Variants in VEPH1 observed in about 807,000 individuals in gnomAD.
VEPH1 encodes ventricular zone expressed PH domain containing 1.
A neutral mutation model predicts 85.2 loss-of-function variants in VEPH1; 80 were observed. The observed-to-expected ratio is 0.94, with a 90% CI of 0.78 to 1.13. The LOEUF (loss-of-function observed/expected upper bound fraction) is 1.13. VEPH1 is among the 50% of genes most tolerant of loss of function. The pLI, the probability that VEPH1 is intolerant of heterozygous loss-of-function variation, is 0.00. For synonymous variants in VEPH1, 297 were observed against 348.0 expected, an observed-to-expected ratio of 0.85 and a Z score of 1.63; for missense variants, 955 against 980.5, an observed-to-expected ratio of 0.97 and a Z score of 0.35.
chr3:157,280,145 A>ATGAT (rs1484349288), intron 12 of VEPH1, among the ~76,000 whole-genome samples: 2 of 152,264 alleles, frequency 1.3e-5, no homozygotes, highest in Non-Finnish European at 2.9e-5. Context: ...ACTCTGCAAT[A>ATGAT]TGATGGCTAG....
chr3:157,402,960 C>G (rs1024704090), intron 6 of VEPH1, among the ~76,000 whole-genome samples: 1 of 152,142 alleles, frequency 6.6e-6, no homozygotes, highest in Non-Finnish European at 1.5e-5. Context: ...GGCTTCAGCT[C>G]TGTTCATGTA....
intron 11 of VEPH1, among the ~76,000 whole-genome samples, chr3:157,302,721 C>T (rs1002534798): frequency 2.0e-5 from 3 of 152,168 alleles, no homozygotes; most frequent in African/African-American, 7.2e-5. Flanking sequence ...GACTGCTGCT[C>T]AAAACTCCTC....
At chr3:157,451,277 G>C (rs967447177) in intron 4 of VEPH1, among the ~76,000 whole-genome samples, 3 of 152,086 alleles carry the variant, frequency 2.0e-5, no homozygotes, top group Non-Finnish European at 2.9e-5. Context: ...ATTTGGTATA[G>C]AGATATTCAA....
intron 6 of VEPH1, among the ~76,000 whole-genome samples, chr3:157,401,107 C>T (rs529570796): frequency 6.6e-6 from 1 of 152,024 alleles, no homozygotes; most frequent in Non-Finnish European, 1.5e-5. Flanking sequence ...AAGAAACAGC[C>T]CATCTTTAAT....
At chr3:157,268,005 T>G (rs1250901974) in intron 12 of VEPH1, among the ~76,000 whole-genome samples, 1 of 152,314 alleles carries the variant, frequency 6.6e-6, no homozygotes, top group Admixed American at 6.5e-5. Flanking sequence ...CTACTGAGCA[T>G]AGCAGAGGCA....
At chr3:157,371,987 T>C (rs1180030931) in intron 7 of VEPH1, among the ~76,000 whole-genome samples, 1 of 152,138 alleles carries the variant, frequency 6.6e-6, no homozygotes, top group East Asian at 1.9e-4. Flanking sequence ...CTGTAAATTA[T>C]AAAGGACTGT....
rs554375842 is a variant in VEPH1, at chr3:157,473,505, A to C, written c.139-2976T>G. Among the ~76,000 whole-genome samples, 42 of 152,286 alleles carry C rather than the reference A, an allele frequency of 2.8e-4. No individual in the cohort carries two copies. In the South Asian group the frequency reaches 6.8e-3, roughly 25 times the overall value. On this transcript the variant is annotated intron_variant, in intron 2 of 13. Coordinates refer to ENST00000362010, the MANE Select transcript of VEPH1 (RefSeq NM_001167912.2). ...CCTTTCTGAGATCTATATATTTTAT[A>C]TATCCCATGGCTTATTATGTTGGCT...
chr3:157,442,822 C>T (rs1002544616), intron 4 of VEPH1: 15 of 1,614,106 alleles, frequency 9.3e-6, no homozygotes, highest in Non-Finnish European at 1.2e-5. Context: ...TTAGCCTTCT[C>T]TGGGAGACTC....
At chr3:157,397,309 T>A (rs1730472358) in intron 6 of VEPH1, among the ~76,000 whole-genome samples, 1 of 152,224 alleles carries the variant, frequency 6.6e-6, no homozygotes, top group South Asian at 2.1e-4. Flanking sequence ...TTTGTACTGG[T>A]ACTCTGCTGT....
chr3:157,392,386 T>A (rs1425353565), intron 6 of VEPH1, among the ~76,000 whole-genome samples: 5 of 152,188 alleles, frequency 3.3e-5, no homozygotes, highest in Admixed American at 3.3e-4. Flanking sequence ...TTATTCACTA[T>A]CACGAGAACA....
chr3:157,302,756 A>T (rs1718957342), intron 11 of VEPH1, among the ~76,000 whole-genome samples: 1 of 152,040 alleles, frequency 6.6e-6, no homozygotes, highest in African/African-American at 2.4e-5. Flanking sequence ...GACCACAAAA[A>T]AATCTAAGCT....
chr3:157,456,032 C>T (rs1009105525), intron 4 of VEPH1, among the ~76,000 whole-genome samples: 2 of 152,054 alleles, frequency 1.3e-5, no homozygotes, highest in Admixed American at 1.3e-4. Context: ...TCCTTTTTCT[C>T]CACAACCTTG....
intron 11 of VEPH1, among the ~76,000 whole-genome samples, chr3:157,304,055 A>G (rs1719203278): frequency 6.9e-6 from 1 of 144,788 alleles, no homozygotes; most frequent in Non-Finnish European, 1.5e-5. Context: ...ATACTGTTAC[A>G]TCTTATATAT....
intron 2 of VEPH1, chr3:157,493,251 G>T (rs922304512): frequency 1.0e-4 from 46 of 456,268 alleles, no homozygotes; most frequent in African/African-American, 8.2e-4. Context: ...TGTGCTGGAA[G>T]TTGGAAGGGG....
At chr3:157,428,681 A>T (rs970111919) in intron 4 of VEPH1, among the ~76,000 whole-genome samples, 193 bp from the exon 5 acceptor site, 2 of 152,244 alleles carry the variant, frequency 1.3e-5, no homozygotes, top group African/African-American at 4.8e-5. Flanking sequence ...CACAAAAGGA[A>T]ATATTTTATG....
intron 4 of VEPH1, among the ~76,000 whole-genome samples, chr3:157,441,734 T>C (rs531309346): frequency 2.0e-5 from 3 of 151,006 alleles, no homozygotes; most frequent in African/African-American, 7.3e-5. Flanking sequence ...CGCTTGAACC[T>C]GGGAAGCGAA....
intron 2 of VEPH1, among the ~76,000 whole-genome samples, chr3:157,486,604 T>G (rs1305634805): frequency 2.0e-5 from 3 of 152,180 alleles, no homozygotes; most frequent in Non-Finnish European, 4.4e-5. Context: ...TAAAGTTACA[T>G]TATTAGCCTT....
chr3:157,387,350 G>A (rs972203260), intron 6 of VEPH1, among the ~76,000 whole-genome samples: 1 of 152,168 alleles, frequency 6.6e-6, no homozygotes, highest in Non-Finnish European at 1.5e-5. Context: ...TCCACTGTAT[G>A]TCTGGTACTT....
intron 3 of VEPH1, among the ~76,000 whole-genome samples, chr3:157,467,323 T>G (rs2109427859): frequency 6.6e-6 from 1 of 152,214 alleles, no homozygotes; most frequent in South Asian, 2.1e-4. Context: ...CATTTCTTGT[T>G]GTTTGTTTTC....
Sources: allele counts gnomAD v4.1 joint callset (sites outside exome capture counted in the v4.1 genomes callset), GRCh38; gene constraint gnomAD v4.1.1; transcripts MANE v1.5; gene names NCBI Gene and HGNC (gene_info 2026-07-23, HGNC 2026-07-21).